LINC00632: variants seen among roughly 807,000 people sequenced by gnomAD.
LINC00632 encodes the protein ALDOA related specific transcript.
chrX:140,747,670 G>A (rs1270240249), intron 3 of LINC00632, among the ~76,000 whole-genome samples: 2 of 111,440 alleles, frequency 1.8e-5, no homozygotes, highest in Non-Finnish European at 3.8e-5. Context: ...CTGGCAGTGG[G>A]CTAGGATGGC....
rs185319788 is a variant in LINC00632 at position 140,710,647 on chromosome X, A to G, written n.68+842A>G. ...TAGCTCTGTTTCTGCAAGAAAAACG[A>G]AAAAAAAAAGTGAAGTGGTGGTTTA... On this transcript the variant is annotated intron_variant and non_coding_transcript_variant, in intron 1 of 4. Coordinates refer to ENST00000648200, the Ensembl canonical transcript of LINC00632. Among the ~76,000 whole-genome samples the G allele has an allele frequency of 7.6e-3, 816 of 107,231 alleles. 18 individuals carry two copies. The highest frequency in any genetic ancestry group is 0.056 in the Admixed American group (558 of 9,896). 93.1% of individuals were successfully genotyped at this position (107,231 alleles called of 115,157 possible). A position where few individuals can be genotyped will look rare whatever the true frequency, so the allele number is the denominator to read the frequency against.
chrX:140,716,333 AAAGAT>A (rs1428024454), intron 2 of LINC00632: 7 of 111,900 alleles, frequency 6.3e-5, no homozygotes, highest in African/African-American at 2.3e-4. Context: ...ACTGTAAAAC[AAAGAT>A]AAGAGTAGTG....
intron 3 of LINC00632, among the ~76,000 whole-genome samples, chrX:140,770,124 C>T (rs897469293): frequency 2.7e-5 from 3 of 110,809 alleles, no homozygotes; most frequent in African/African-American, 6.6e-5. Flanking sequence ...GCATCAGAGG[C>T]GTTTGAACCA....
intron 3 of LINC00632, among the ~76,000 whole-genome samples, chrX:140,770,327 C>T (rs1225619109): frequency 8.9e-6 from 1 of 111,936 alleles, no homozygotes; most frequent in Non-Finnish European, 1.9e-5. Flanking sequence ...ACCAATATGG[C>T]GATGAAAGTG....
intron 2 of LINC00632, among the ~76,000 whole-genome samples, chrX:140,723,554 TAC>T (rs1163019797): frequency 9.3e-4 from 1 of 1,070 alleles, no homozygotes; most frequent in Non-Finnish European, 1.6e-3. Flanking sequence ...TCCATACACA[TAC>T]ACAGACACAC....
chrX:140,724,750 T>TAC (rs749101287), intron 2 of LINC00632, among the ~76,000 whole-genome samples: 2 of 8,127 alleles, frequency 2.5e-4, no homozygotes, highest in East Asian at 9.3e-3. Flanking sequence ...ATTCCCTACA[T>TAC]ACACACACAG....
chrX:140,767,941 A>G (rs1347774356), intron 3 of LINC00632, among the ~76,000 whole-genome samples: 1 of 111,320 alleles, frequency 9.0e-6, no homozygotes, highest in Non-Finnish European at 1.9e-5. Flanking sequence ...GAGCCTAACC[A>G]CCTCTTAAAG....
chrX:140,777,138 TGGG>T (rs1346640902), exon 5 of LINC00632, among the ~76,000 whole-genome samples: 1 of 4,181 alleles, frequency 2.4e-4, no homozygotes, highest in East Asian at 6.1e-3. Context: ...AGGGGCCTGT[TGGG>T]GGGTGGGGGG....
chrX:140,785,627 A>G (rs1488080545), exon 5 of LINC00632, among the ~76,000 whole-genome samples: 1 of 112,069 alleles, frequency 8.9e-6, no homozygotes, highest in Admixed American at 9.5e-5. Context: ...TTATTCCCCA[A>G]CCAGCTACTA....
chrX:140,723,440 TACACACACATTCCAC>T lies in LINC00632; in HGVS notation n.105-10423_105-10409del, dbSNP rs1569348230. 0.015 allele frequency among the ~76,000 whole-genome samples: 20 copies of T among 1,331 alleles called. No individual in the cohort carries two copies. The South Asian group carries it at 0.48, about 32-fold the overall frequency. The allele number at this position is 1,331 out of a possible 115,157, so 1.2% of individuals were successfully genotyped here. A position where few individuals can be genotyped will look rare whatever the true frequency, so the allele number is the denominator to read the frequency against. Reference sequence around the variant, plus strand: ...ATTCCATACACACACATTCCATACATACACACACATTCCACACACACACATTCCATACACATACAC... The same window carrying T: ...ATTCCATACACACACATTCCATACATACACACACATTCCATACACATACAC... On this transcript the variant is annotated intron_variant and non_coding_transcript_variant, in intron 2 of 4. Transcript: ENST00000648200.
At chrX:140,720,625 C>T (rs1028988858) in intron 2 of LINC00632, among the ~76,000 whole-genome samples, 1 of 111,953 alleles carries the variant, frequency 8.9e-6, no homozygotes, top group Non-Finnish European at 1.9e-5. Context: ...CTTGCTGTAA[C>T]ACATGCCAAC....
chrX:140,717,115 G>T lies in LINC00632; in HGVS notation n.104+5459G>T, dbSNP rs144166318. On this transcript the variant is annotated intron_variant and non_coding_transcript_variant, in intron 2 of 4. Transcript: ENST00000648200. Reference sequence around the variant, plus strand: ...TTCTCCTGCCTCAGCCTCCCGAGTAGCTGGGAATACAGGCGCGTCCATGCC... The same window carrying T: ...TTCTCCTGCCTCAGCCTCCCGAGTATCTGGGAATACAGGCGCGTCCATGCC... 8.4e-3 allele frequency among the ~76,000 whole-genome samples: 925 copies of T among 110,031 alleles called. 12 individuals are homozygous for T. The highest frequency in any genetic ancestry group is 0.028 in the African/African-American group (845 of 30,202).
At chrX:140,724,596 A>G (rs764015657) in intron 2 of LINC00632, among the ~76,000 whole-genome samples, 1 of 10,163 alleles carries the variant, frequency 9.8e-5, no homozygotes, top group South Asian at 3.6e-3. Flanking sequence ...ACAGACACAC[A>G]TTCTGTACAC....
chrX:140,757,787 G>A (rs775155173), intron 3 of LINC00632, among the ~76,000 whole-genome samples: 17 of 110,885 alleles, frequency 1.5e-4, no homozygotes, highest in African/African-American at 4.6e-4. Context: ...GGCTAGTCTC[G>A]AACTCCTGAC....
At chrX:140,729,969 C>T (rs1361311248) in intron 2 of LINC00632, among the ~76,000 whole-genome samples, 4 of 106,306 alleles carry the variant, frequency 3.8e-5, no homozygotes, top group African/African-American at 6.9e-5. Context: ...CTCCGCCTCC[C>T]GGGTTCAAGC....
chrX:140,754,084 T>C, intron 3 of LINC00632, among the ~76,000 whole-genome samples: 1 of 111,885 alleles, frequency 8.9e-6, no homozygotes, highest in African/African-American at 3.2e-5. Flanking sequence ...AGCTCCTATA[T>C]TTCTATTGGA....
exon 5 of LINC00632, among the ~76,000 whole-genome samples, chrX:140,776,520 G>A (rs1331696623): frequency 1.8e-5 from 2 of 112,947 alleles, no homozygotes; most frequent in African/African-American, 6.4e-5. Flanking sequence ...GCCACCCGCC[G>A]GGGTCCTCGT....
intron 3 of LINC00632, among the ~76,000 whole-genome samples, chrX:140,754,138 T>G (rs1159412511): frequency 9.0e-6 from 1 of 111,479 alleles, no homozygotes; most frequent in Non-Finnish European, 1.9e-5. Context: ...TTGACCTGAG[T>G]TCCAGTTCAA....
At chrX:140,748,252 C>T (rs1458747647) in intron 3 of LINC00632, among the ~76,000 whole-genome samples, 1 of 112,091 alleles carries the variant, frequency 8.9e-6, no homozygotes, top group Non-Finnish European at 1.9e-5. Context: ...TATTAACTTC[C>T]ACCCCAAAAG....
Sources: gnomAD v4.1 joint callset for allele counts (sites outside exome capture counted in the v4.1 genomes callset) on GRCh38, gnomAD v4.1.1 for gene constraint, MANE v1.5 for transcripts, NCBI Gene and HGNC (gene_info 2026-07-23, HGNC 2026-07-21) for gene names.